The following RYR2 variants were observed in gnomAD, a reference collection of about 807,000 sequenced individuals.
RYR2 encodes the protein cardiac muscle ryanodine receptor-calcium release channel.
Under a neutral mutation model 601.1 loss-of-function variants are expected in RYR2, and 227 were observed. The observed-to-expected ratio is 0.38, with a 90% CI of 0.34 to 0.42. The LOEUF (loss-of-function observed/expected upper bound fraction) is 0.42, where lower values mean the gene tolerates loss of function less well. Ranked by LOEUF, RYR2 falls within the 10% of genes least tolerant of loss-of-function variation. The pLI is 1.00. For missense variants in RYR2, 4,646 were observed against 6,156.5 expected (o/e 0.75, Z 8.21); for synonymous variants, 2,223 against 2,175.1 (o/e 1.02, Z -0.61).
chr1:237,654,474 TTAG>T, intron 52 of RYR2, 60 bp downstream of exon 52: 1 of 1,532,600 alleles, frequency 6.5e-7, no homozygotes, highest in Non-Finnish European at 8.9e-7. Flanking sequence ...CCACACATTC[TTAG>T]TAAGATAGTA....
At chr1:237,350,189 G>C (rs1698638228) in intron 3 of RYR2, among the ~76,000 whole-genome samples, 2 of 152,076 alleles carry the variant, frequency 1.3e-5, no homozygotes, top group African/African-American at 4.8e-5. Flanking sequence ...TATACTTTAA[G>C]ACTGTCTTAC....
chr1:237,816,360 A>G (rs1207033964), intron 100 of RYR2, among the ~76,000 whole-genome samples: 3 of 152,210 alleles, frequency 2.0e-5, no homozygotes, highest in Non-Finnish European at 2.9e-5. Context: ...TGTAGTCACA[A>G]TTAAATACAT....
intron 1 of RYR2, among the ~76,000 whole-genome samples, chr1:237,243,903 C>A (rs1047704172): frequency 6.6e-6 from 1 of 152,210 alleles, no homozygotes; most frequent in African/African-American, 2.4e-5. Context: ...CCAGCCGCTC[C>A]AGTCACACAT....
At chr1:237,108,314 T>G (rs1668988794) in intron 1 of RYR2, among the ~76,000 whole-genome samples, 1 of 152,172 alleles carries the variant, frequency 6.6e-6, no homozygotes, top group Non-Finnish European at 1.5e-5. Flanking sequence ...CCTGCCCAGC[T>G]TCTGAATGAA....
At chr1:237,604,649 G>T (rs1676900216) in intron 35 of RYR2, among the ~76,000 whole-genome samples, 1 of 152,036 alleles carries the variant, frequency 6.6e-6, no homozygotes, top group Non-Finnish European at 1.5e-5. Context: ...TTTTTGAAAA[G>T]ATCAACAAAA....
intron 92 of RYR2, among the ~76,000 whole-genome samples, chr1:237,789,405 G>A (rs1658068288): frequency 1.3e-5 from 2 of 152,148 alleles, no homozygotes; most frequent in African/African-American, 4.8e-5. Context: ...AAACCATCTT[G>A]TATTTTCCCT....
At position 237,180,007 on chromosome 1, in the gene RYR2, G is replaced by A. The variant is rs1337801; in HGVS notation, c.49-90490G>A. Among the ~76,000 whole-genome samples, 28,257 of 151,934 alleles carry A rather than the reference G, an allele frequency of 0.19. 4,235 individuals carry two copies. The highest frequency in any genetic ancestry group is 0.41 in the African/African-American group (16,781 of 41,312). On this transcript the variant is annotated intron_variant, in intron 1 of 104. Coordinates refer to ENST00000366574, the MANE Select transcript of RYR2 (RefSeq NM_001035.3). The surrounding 1 kb of genome is among the most constrained non-coding windows in gnomAD (Gnocchi z 5.3). Reference sequence around the variant, plus strand: ...GGCAGTGGCTTTCTGATCAAATTTCGGGTCTTGACACAGCAAGTGATAAAG... The same window carrying A: ...GGCAGTGGCTTTCTGATCAAATTTCAGGTCTTGACACAGCAAGTGATAAAG...
chr1:237,050,951 G>C (rs1661187561), intron 1 of RYR2, among the ~76,000 whole-genome samples: 1 of 152,134 alleles, frequency 6.6e-6, no homozygotes, highest in Non-Finnish European at 1.5e-5. Context: ...CTTTACATGA[G>C]GAAAGTTCGG....
At chr1:237,085,261 CTT>C (rs1396136612) in intron 1 of RYR2, among the ~76,000 whole-genome samples, 1 of 152,160 alleles carries the variant, frequency 6.6e-6, no homozygotes, top group East Asian at 1.9e-4. Context: ...TTTTATAAAA[CTT>C]TAGTCATTTC....
intron 17 of RYR2, among the ~76,000 whole-genome samples, chr1:237,474,387 T>G (rs10925429): frequency 6.6e-6 from 1 of 151,120 alleles, no homozygotes; most frequent in Non-Finnish European, 1.5e-5. Flanking sequence ...GACAACGTAA[T>G]TGGTTTTACC....
chr1:237,090,326 G>A (rs1440932597), intron 1 of RYR2, among the ~76,000 whole-genome samples: 1 of 152,210 alleles, frequency 6.6e-6, no homozygotes, highest in African/African-American at 2.4e-5. Context: ...GGACTTTGCA[G>A]ATGTCATTAA....
chr1:237,814,464 G>A (rs1661572893), intron 100 of RYR2, among the ~76,000 whole-genome samples: 1 of 151,798 alleles, frequency 6.6e-6, no homozygotes, highest in Admixed American at 6.6e-5. Flanking sequence ...AACATCTTAG[G>A]TTTTGCAAAT....
chr1:237,599,931 G>A (rs1203329781), intron 34 of RYR2, among the ~76,000 whole-genome samples: 1 of 151,914 alleles, frequency 6.6e-6, no homozygotes, highest in South Asian at 2.1e-4. Flanking sequence ...GAAATAAATG[G>A]AAAGATATCT....
At chr1:237,566,876 C>A in intron 28 of RYR2, 101 bp downstream of exon 28, 1 of 1,153,164 alleles carries the variant, frequency 8.7e-7, no homozygotes, top group Non-Finnish European at 1.3e-6. Context: ...TTTCCCACAG[C>A]ACAAACGTGG....
chr1:237,795,461 T>TC, intron 96 of RYR2, 130 bp downstream of exon 96: 1 of 517,042 alleles, frequency 1.9e-6, no homozygotes, highest in Non-Finnish European at 3.4e-6. Context: ...TTTTTTTTTT[T>TC]TAATTTTTGA....
intron 3 of RYR2, among the ~76,000 whole-genome samples, chr1:237,345,780 A>G (rs571702791): frequency 5.3e-5 from 8 of 152,130 alleles, no homozygotes; most frequent in Non-Finnish European, 1.2e-4. Context: ...CTAATACCAC[A>G]TTTATCACTG....
intron 61 of RYR2, 100 bp from the exon 62 acceptor site, chr1:237,680,356 T>C (rs1685764551): frequency 1.1e-6 from 1 of 902,818 alleles, no homozygotes; most frequent in Non-Finnish European, 1.7e-6. Context: ...AGGAGACCTG[T>C]TGCATGTGAA....
intron 82 of RYR2, among the ~76,000 whole-genome samples, chr1:237,758,365 C>T (rs1216727642): frequency 6.6e-6 from 1 of 151,978 alleles, no homozygotes; most frequent in African/African-American, 2.4e-5. Flanking sequence ...CCACCATCTC[C>T]TTTGATCCTG....
rs1364119444 is a variant in RYR2 at position 237,397,683 on chromosome 1, C to T, written c.773+9500C>T. Among the ~76,000 whole-genome samples, 5 of 151,032 alleles carry T rather than the reference C, an allele frequency of 3.3e-5. No homozygotes were observed. In the East Asian group the frequency reaches 9.7e-4, roughly 29 times the overall value. ...ACCTGTAGGGGTAGGGGACTTAACA[C>T]TTGTATGGCCTGGCCTTACACCCTG... is the stretch of plus-strand genomic sequence containing the variant. On this transcript the variant is annotated intron_variant, in intron 10 of 104. Coordinates refer to ENST00000366574, the MANE Select transcript of RYR2 (RefSeq NM_001035.3).
Sources: allele counts gnomAD v4.1 joint callset (sites outside exome capture counted in the v4.1 genomes callset), GRCh38; gene constraint gnomAD v4.1.1; non-coding constraint Gnocchi (gnomAD v3.1); transcripts MANE v1.5; gene names NCBI Gene and HGNC (gene_info 2026-07-23, HGNC 2026-07-21).